TAF1: variants seen among roughly 807,000 people sequenced by gnomAD.
TAF1 encodes transcription initiation factor TFIID subunit 1.
TAF1 carries 2 observed loss-of-function variants against 138.5 expected under a neutral mutation model. The observed-to-expected ratio is 0.01, with a 90% CI of 0.01 to 0.05. TAF1 has a LOEUF of 0.05. Ranked by LOEUF, TAF1 falls within the 10% of genes least tolerant of loss-of-function variation. The pLI is 1.00. For missense variants in TAF1, 709 were observed against 1,478.0 expected, an observed-to-expected ratio of 0.48 and a Z score of 8.53; for synonymous variants, 437 against 503.2, an observed-to-expected ratio of 0.87 and a Z score of 1.76.
At chrX:71,511,878 T>C (rs925630546) in intron 13 of TAF1, among the ~76,000 whole-genome samples, 2 of 110,419 alleles carry the variant, frequency 1.8e-5, no homozygotes, top group African/African-American at 6.6e-5. Flanking sequence ...TAGCCAGGCA[T>C]GGTGGCACAC....
At chrX:71,467,910 T>C (rs935943908), downstream of TAF1, among the ~76,000 whole-genome samples, 2 of 111,397 alleles carry the variant, frequency 1.8e-5, no homozygotes, top group Non-Finnish European at 3.8e-5. Flanking sequence ...TGCTTGGGAG[T>C]GTAACTCAGT....
At position 71,406,630 on chromosome X, in the gene TAF1, G is replaced by A; in HGVS notation, c.3999-8G>A. 1 of 1,199,393 alleles carries A rather than the reference G, an allele frequency of 8.3e-7. No individual in the cohort carries two copies. The highest frequency in any genetic ancestry group is 1.8e-5 in the South Asian group (1 of 56,254). On this transcript the variant is annotated splice_polypyrimidine_tract_variant and splice_region_variant and intron_variant, in intron 25 of 37. Coordinates refer to ENST00000423759, the MANE Select transcript of TAF1 (RefSeq NM_004606.5). Reference sequence around the variant, plus strand: ...GGGCTGTATCTAACTAAAGTGTTTTGATTTTAGTGCGGATGAGGTTCGCAG... The same window carrying A: ...GGGCTGTATCTAACTAAAGTGTTTTAATTTTAGTGCGGATGAGGTTCGCAG...
chrX:71,375,856 G>A (rs774235940), intron 4 of TAF1, among the ~76,000 whole-genome samples: 7 of 112,475 alleles, frequency 6.2e-5, no homozygotes, highest in East Asian at 2.8e-4. Context: ...TGCCGAACCC[G>A]GGAATCTTAA....
At chrX:71,437,053 T>C (rs1188608265) in intron 32 of TAF1, among the ~76,000 whole-genome samples, 1 of 112,268 alleles carries the variant, frequency 8.9e-6, no homozygotes, top group Admixed American at 9.5e-5. Flanking sequence ...TTTTGTTTAA[T>C]TTATTTAATT....
At chrX:71,507,778 G>C (rs1357173010) in intron 13 of TAF1, among the ~76,000 whole-genome samples, 3 of 110,662 alleles carry the variant, frequency 2.7e-5, no homozygotes, top group African/African-American at 9.9e-5. Context: ...GAATTGAGTT[G>C]TTAATCAATT....
chrX:71,386,110 G>A (rs1286072201), intron 14 of TAF1, among the ~76,000 whole-genome samples: 1 of 107,282 alleles, frequency 9.3e-6, no homozygotes, highest in African/African-American at 3.4e-5. Context: ...GCAGTGAGCC[G>A]AGATCGCGCC....
intron 3 of TAF1, among the ~76,000 whole-genome samples, chrX:71,369,605 C>CT (rs762612709): frequency 0.015 from 1,378 of 92,119 alleles, 17 homozygotes; most frequent in African/African-American, 0.031. Flanking sequence ...CAGTGTGTTT[C>CT]TTTTTTTTTT....
chrX:71,401,317 T>C (rs1455668374), intron 24 of TAF1, among the ~76,000 whole-genome samples: 2 of 111,511 alleles, frequency 1.8e-5, no homozygotes, highest in East Asian at 2.8e-4. Context: ...GTTCCACTTA[T>C]GCGTGGATCG....
At chrX:71,450,720 A>G (rs764057272) in intron 32 of TAF1, among the ~76,000 whole-genome samples, 3 of 112,401 alleles carry the variant, frequency 2.7e-5, no homozygotes, top group South Asian at 3.7e-4. Context: ...GATATGACCT[A>G]TATCTCACTC....
chrX:71,399,420 C>T (rs1426828455), intron 24 of TAF1, among the ~76,000 whole-genome samples: 1 of 106,063 alleles, frequency 9.4e-6, no homozygotes, highest in Non-Finnish European at 1.9e-5. Context: ...CCATGCCTGG[C>T]TAATTTTTTG....
chrX:71,466,809 A>G (rs2038770386), downstream of TAF1, among the ~76,000 whole-genome samples: 1 of 112,277 alleles, frequency 8.9e-6, no homozygotes, highest in Non-Finnish European at 1.9e-5. Context: ...ACTTGTTTTT[A>G]TAAGCAGCCT....
At chrX:71,397,772 G>A (rs988957789) in intron 23 of TAF1, among the ~76,000 whole-genome samples, 12 of 110,871 alleles carry the variant, frequency 1.1e-4, no homozygotes, top group African/African-American at 3.3e-4. Flanking sequence ...CATGAACCAC[G>A]GCACCTGGCC....
At chrX:71,476,152 G>A (rs894371971) in intron 13 of TAF1, among the ~76,000 whole-genome samples, 22 of 111,517 alleles carry the variant, frequency 2.0e-4, no homozygotes, top group Admixed American at 1.9e-4. Flanking sequence ...TGACACAAAC[G>A]GACTAACACA....
chrX:71,482,024 A>G (rs975713216), intron 13 of TAF1, among the ~76,000 whole-genome samples: 6 of 112,109 alleles, frequency 5.4e-5, no homozygotes, highest in African/African-American at 1.9e-4. Context: ...CAAGAATTCA[A>G]TCTCCATCTG....
intron 14 of TAF1, among the ~76,000 whole-genome samples, chrX:71,385,365 A>G (rs1251319274): frequency 1.8e-5 from 2 of 111,847 alleles, no homozygotes; most frequent in Non-Finnish European, 3.8e-5. Flanking sequence ...TGAATATTTA[A>G]TTTTTGTGTA....
intron 13 of TAF1, among the ~76,000 whole-genome samples, chrX:71,480,210 C>T (rs1326123949): frequency 9.1e-6 from 1 of 110,196 alleles, no homozygotes; most frequent in East Asian, 2.8e-4. Context: ...GGGCAACAGA[C>T]TGAGACTGTC....
At chrX:71,514,559 T>C (rs2039793566) in intron 13 of TAF1, among the ~76,000 whole-genome samples, 1 of 107,987 alleles carries the variant, frequency 9.3e-6, no homozygotes, top group African/African-American at 3.4e-5. Flanking sequence ...ACTGGGGTTA[T>C]AGATGTTAGA....
chrX:71,453,801 C>T (rs769607183), intron 32 of TAF1, among the ~76,000 whole-genome samples: 1 of 111,233 alleles, frequency 9.0e-6, no homozygotes, highest in Non-Finnish European at 1.9e-5. Flanking sequence ...GCCAGGAGTT[C>T]AAGAGTAGCC....
chrX:71,442,748 C>T (rs1295634931), intron 32 of TAF1, among the ~76,000 whole-genome samples: 1 of 111,722 alleles, frequency 9.0e-6, no homozygotes, highest in Non-Finnish European at 1.9e-5. Flanking sequence ...TGCCTATGTC[C>T]TGAATGGTAA....
Sources: allele counts gnomAD v4.1 joint callset (sites outside exome capture counted in the v4.1 genomes callset), GRCh38; gene constraint gnomAD v4.1.1; transcripts MANE v1.5; gene names NCBI Gene and HGNC (gene_info 2026-07-23, HGNC 2026-07-21).